HDAC9: variants seen among roughly 807,000 people sequenced by gnomAD.
HDAC9 encodes the protein MEF-2 interacting transcription repressor (MITR) protein.
In HDAC9, 41 loss-of-function variants were observed where a neutral mutation model predicts 139.4. The ratio of observed to expected loss-of-function variants is 0.29; its 90% CI spans 0.23 to 0.38. The LOEUF (loss-of-function observed/expected upper bound fraction) is 0.38. Ranked by LOEUF, HDAC9 falls within the 10% of genes least tolerant of loss-of-function variation. The pLI is 1.00. For synonymous variants in HDAC9, 517 were observed against 476.2 expected (o/e 1.09, Z -1.12); for missense variants, 1,147 against 1,297.0 (o/e 0.88, Z 1.78).
In HDAC9 at chr7:18,999,048, A is replaced by T. The variant is rs1786617425; in HGVS notation, c.*2986A>T. 1 of 152,228 alleles carries T rather than the reference A, an allele frequency of 6.6e-6. No individual in the cohort carries two copies. The highest frequency in any genetic ancestry group is 2.4e-5 in the African/African-American group (1 of 41,466). 9.4% of individuals were successfully genotyped at this position (152,228 alleles called of 1,614,324 possible). A position where few individuals can be genotyped will look rare whatever the true frequency, so the allele number is the denominator to read the frequency against. On this transcript the variant is annotated 3_prime_UTR_variant, in exon 26 of 26. Coordinates refer to ENST00000686413, the MANE Select transcript of HDAC9 (RefSeq NM_178425.4). ...TAGTAAATGGAAAGAACATTGTGAG[A>T]TGAACTATCTTTAAATATTGTAACA...
At chr7:18,472,972 G>T (rs191524506) in intron 1 of HDAC9, among the ~76,000 whole-genome samples, 2 of 152,132 alleles carry the variant, frequency 1.3e-5, no homozygotes, top group Non-Finnish European at 2.9e-5. Context: ...AATCACCTTT[G>T]ATATACAACA....
At chr7:18,530,745 T>C (rs1367148643) in intron 2 of HDAC9, among the ~76,000 whole-genome samples, 2 of 151,144 alleles carry the variant, frequency 1.3e-5, no homozygotes, top group Admixed American at 6.6e-5. Context: ...ATGTACTTCA[T>C]GTTTGTAAAA....
chr7:18,762,312 C>G, intron 15 of HDAC9, 35 bp downstream of exon 15: 2 of 1,606,830 alleles, frequency 1.2e-6, no homozygotes, highest in Non-Finnish European at 1.7e-6. Flanking sequence ...GGGAACAGCA[C>G]ATTCCAGCAC....
At chr7:18,301,451 AT>A (rs2128613179) in intron 1 of HDAC9, among the ~76,000 whole-genome samples, 1 of 152,192 alleles carries the variant, frequency 6.6e-6, no homozygotes, top group Non-Finnish European at 1.5e-5. Flanking sequence ...TTTTTATTGC[AT>A]AAAGTGATTT....
At chr7:18,147,635 ATT>A (rs35788413) in intron 1 of HDAC9, among the ~76,000 whole-genome samples, 10 of 149,516 alleles carry the variant, frequency 6.7e-5, no homozygotes, top group African/African-American at 2.2e-4. Context: ...CTCAGGACTC[ATT>A]TTTTTTTTAA....
At chr7:18,286,461 TC>T (rs1797461399), upstream of HDAC9, among the ~76,000 whole-genome samples, 2 of 146,600 alleles carry the variant, frequency 1.4e-5, no homozygotes, top group Admixed American at 1.4e-4. Context: ...TTTTAAGTGG[TC>T]TTATTATGTA....
intron 22 of HDAC9, among the ~76,000 whole-genome samples, chr7:18,924,842 AT>A (rs1453566823): frequency 1.3e-5 from 2 of 152,148 alleles, no homozygotes; most frequent in Non-Finnish European, 2.9e-5. Context: ...CGTGAGGATG[AT>A]TATGGCAAAT....
chr7:18,859,357 T>C (rs562405654), intron 21 of HDAC9, among the ~76,000 whole-genome samples: 17 of 152,198 alleles, frequency 1.1e-4, no homozygotes, highest in African/African-American at 4.1e-4. Flanking sequence ...TATGAATACA[T>C]GTAACACTCC....
chr7:18,639,929 A>T (rs550805681), intron 8 of HDAC9, among the ~76,000 whole-genome samples: 3 of 152,200 alleles, frequency 2.0e-5, no homozygotes, highest in African/African-American at 7.2e-5. Context: ...GGAGAGCTCA[A>T]GTATAAGACA....
intron 2 of HDAC9, among the ~76,000 whole-genome samples, chr7:18,501,189 A>G (rs973974457): frequency 1.1e-4 from 17 of 152,126 alleles, no homozygotes; most frequent in Non-Finnish European, 2.1e-4. Context: ...TAACGAGGGA[A>G]CACTGAATGC....
At chr7:18,887,033 G>A (rs76891642) in intron 22 of HDAC9, among the ~76,000 whole-genome samples, 1 of 152,312 alleles carries the variant, frequency 6.6e-6, no homozygotes, top group African/African-American at 2.4e-5. Flanking sequence ...TAAGTGTATG[G>A]AATAGTATGT....
At position 18,229,363 on chromosome 7, in the gene HDAC9, A is replaced by G. The variant is rs574489586; in HGVS notation, c.25+67014A>G. Among the ~76,000 whole-genome samples, 43 of 152,318 alleles carry G rather than the reference A, an allele frequency of 2.8e-4. 1 individual carries two copies. In the East Asian group the frequency reaches 8.3e-3, roughly 29 times the overall value. Reference sequence around the variant, plus strand: ...GCTAGGATGTCTTGCCCACTGCTGTATCTTTTGTGCCTAGCACAGTGCTTA... The same window carrying G: ...GCTAGGATGTCTTGCCCACTGCTGTGTCTTTTGTGCCTAGCACAGTGCTTA... On this transcript the variant is annotated intron_variant, in intron 2 of 12. Coordinates refer to the HDAC9 transcript ENST00000417496.
intron 1 of HDAC9, among the ~76,000 whole-genome samples, chr7:18,356,130 AAAGG>A (rs1423618670): frequency 6.6e-6 from 1 of 152,052 alleles, no homozygotes; most frequent in Admixed American, 6.6e-5. Flanking sequence ...AAAAAGAAAA[AAAGG>A]AAGATCCAGA....
At chr7:18,802,074 G>C (rs891881183) in intron 17 of HDAC9, among the ~76,000 whole-genome samples, 68 of 151,418 alleles carry the variant, frequency 4.5e-4, no homozygotes, top group African/African-American at 1.4e-3. Context: ...ATTTTATTTG[G>C]GGGGAGGTCA....
chr7:18,347,720 C>G (rs78493141), intron 1 of HDAC9, among the ~76,000 whole-genome samples: 5 of 152,022 alleles, frequency 3.3e-5, no homozygotes, highest in African/African-American at 1.2e-4. Flanking sequence ...GCTTCAGGCT[C>G]CCGAGTAGCT....
chr7:18,568,026 GTATATATATATATA>G (rs36203178), intron 2 of HDAC9, among the ~76,000 whole-genome samples: 17 of 126,820 alleles, frequency 1.3e-4, no homozygotes, highest in South Asian at 4.9e-4. Flanking sequence ...ATATGTATAT[GTATATATATATATA>G]TATATATATA....
At chr7:18,295,991 T>C (rs1270922588) in intron 1 of HDAC9, among the ~76,000 whole-genome samples, 1 of 152,198 alleles carries the variant, frequency 6.6e-6, no homozygotes, top group East Asian at 1.9e-4. Context: ...AGATCTTCAC[T>C]AGAATTTTTC....
intron 25 of HDAC9, among the ~76,000 whole-genome samples, chr7:18,988,151 T>C (rs944991241): frequency 6.8e-4 from 104 of 152,290 alleles, no homozygotes; most frequent in African/African-American, 2.4e-3. Context: ...TTAATTGTGA[T>C]GTTAGGGTGT....
intron 2 of HDAC9, among the ~76,000 whole-genome samples, chr7:18,190,070 G>C (rs1441680862): frequency 6.6e-6 from 1 of 151,974 alleles, no homozygotes; most frequent in African/African-American, 2.4e-5. Context: ...CTCCCAACTA[G>C]CTGGGATTAC....
Sources: gnomAD v4.1 joint callset for allele counts (sites outside exome capture counted in the v4.1 genomes callset) on GRCh38, gnomAD v4.1.1 for gene constraint, MANE v1.5 for transcripts, NCBI Gene and HGNC (gene_info 2026-07-23, HGNC 2026-07-21) for gene names.